CDH4: variants seen among roughly 807,000 people sequenced by gnomAD.
The protein encoded by CDH4 is cadherin 4.
In CDH4, 33 loss-of-function variants were observed where a neutral mutation model predicts 86.0. The ratio of observed to expected loss-of-function variants is 0.38; its 90% CI spans 0.29 to 0.51. The LOEUF is 0.51. Among genes scored for constraint, CDH4 ranks in the 20% least tolerant of loss-of-function variants. The pLI is 0.86. For synonymous variants in CDH4, 555 were observed against 549.4 expected (o/e 1.01, Z -0.14); for missense variants, 1,114 against 1,307.4 (o/e 0.85, Z 2.28).
At chr20:61,335,196 G>C (rs1239261470) in intron 2 of CDH4, among the ~76,000 whole-genome samples, 3 of 152,194 alleles carry the variant, frequency 2.0e-5, no homozygotes, top group African/African-American at 7.2e-5. Context: ...CAGCCGATCT[G>C]GGATGAATGT....
intron 2 of CDH4, among the ~76,000 whole-genome samples, chr20:61,654,052 A>G (rs1396057217): frequency 1.3e-5 from 2 of 151,956 alleles, no homozygotes; most frequent in Non-Finnish European, 2.9e-5. Context: ...CAATCTTGGC[A>G]CTTTGGGAGG....
intron 2 of CDH4, among the ~76,000 whole-genome samples, chr20:61,296,840 C>T (rs190080527): frequency 1.1e-4 from 16 of 151,940 alleles, no homozygotes; most frequent in Middle Eastern, 3.4e-3. Context: ...GGGCAGGTGG[C>T]GTCAGGTGGA....
intron 9 of CDH4, among the ~76,000 whole-genome samples, chr20:61,916,710 C>A (rs1040377513): frequency 8.5e-5 from 13 of 152,214 alleles, no homozygotes; most frequent in African/African-American, 3.1e-4. Flanking sequence ...CAGACCTGAC[C>A]AGGTCACTGC....
At chr20:61,692,820 CTTTTTTG>C (rs1430125286) in intron 2 of CDH4, among the ~76,000 whole-genome samples, 23 of 150,328 alleles carry the variant, frequency 1.5e-4, no homozygotes, top group Middle Eastern at 3.4e-3. Context: ...AGCAAGCAAG[CTTTTTTG>C]TTTTTTGTTT....
At chr20:61,793,762 C>G (rs1411369179) in intron 4 of CDH4, among the ~76,000 whole-genome samples, 1 of 151,034 alleles carries the variant, frequency 6.6e-6, no homozygotes, top group Non-Finnish European at 1.5e-5. Flanking sequence ...TTGCTTGAAC[C>G]CGGGAGGTGG....
In CDH4 at chr20:61,699,803, C is replaced by A. The variant is rs186587071; in HGVS notation, c.170-43760C>A. ...TTTCACCGCTGACCCGGGGCTTTCA[C>A]CGCTGACCCGGGGCACACACATGTC... On this transcript the variant is annotated intron_variant, in intron 2 of 15. Transcript: ENST00000614565. Among the ~76,000 whole-genome samples, 28 of 149,032 alleles carry A rather than the reference C, an allele frequency of 1.9e-4. 1 individual carries two copies. The East Asian group carries it at 5.0e-3, about 27-fold the overall frequency.
intron 2 of CDH4, among the ~76,000 whole-genome samples, chr20:61,431,360 T>G (rs6089304): frequency 3.0e-3 from 269 of 90,956 alleles, no homozygotes; most frequent in Admixed American, 4.5e-3. Context: ...TTTTTGTTGG[T>G]TTTTTTTTTT....
intron 4 of CDH4, among the ~76,000 whole-genome samples, chr20:61,800,255 C>A (rs1979758746): frequency 6.6e-6 from 1 of 152,222 alleles, no homozygotes; most frequent in African/African-American, 2.4e-5. Context: ...ACACACGGTG[C>A]TTCTGGGAAG....
rs79340669 is a variant in CDH4 at position 61,844,430 on chromosome 20, G to A, written c.577-238G>A. ...TGTCTGCCAGGCATCCCGAGTTCTC[G>A]GTGTATTTGCTGAGTTACTGACAGG... On this transcript the variant is annotated intron_variant, in intron 4 of 15. Coordinates refer to ENST00000614565, the MANE Select transcript of CDH4 (RefSeq NM_001794.5). Among the ~76,000 whole-genome samples, 434 of 152,090 alleles carry A rather than the reference G, an allele frequency of 2.9e-3. 1 individual carries two copies. The highest frequency in any genetic ancestry group is 9.8e-3 in the African/African-American group (408 of 41,458).
chr20:61,695,811 C>T (rs1246031186), intron 2 of CDH4, among the ~76,000 whole-genome samples: 1 of 152,248 alleles, frequency 6.6e-6, no homozygotes, highest in African/African-American at 2.4e-5. Context: ...CAATCCTTCC[C>T]CTCTCTGCAG....
At chr20:61,753,620 C>G (rs186803087) in intron 3 of CDH4, among the ~76,000 whole-genome samples, 1 of 152,344 alleles carries the variant, frequency 6.6e-6, no homozygotes, top group Admixed American at 6.5e-5. Context: ...AGACCAAGCT[C>G]TCACCCAGTT....
intron 2 of CDH4, among the ~76,000 whole-genome samples, chr20:61,519,699 T>G (rs2085854001): frequency 6.6e-6 from 1 of 152,236 alleles, no homozygotes; most frequent in Non-Finnish European, 1.5e-5. Context: ...GTGTCTATTC[T>G]TTCGTTGTTC....
At chr20:61,367,150 G>A (rs2084815118) in intron 2 of CDH4, among the ~76,000 whole-genome samples, 1 of 152,222 alleles carries the variant, frequency 6.6e-6, no homozygotes, top group East Asian at 1.9e-4. Context: ...GTGTGCCAAA[G>A]CAGCCACCAG....
At chr20:61,369,839 G>A (rs2084830582) in intron 2 of CDH4, 1 of 152,244 alleles carries the variant, frequency 6.6e-6, no homozygotes, top group South Asian at 2.1e-4. Flanking sequence ...TCACGAAAGA[G>A]GAGAAGGTGC....
chr20:61,508,906 C>A (rs547394788), intron 2 of CDH4, among the ~76,000 whole-genome samples: 2 of 152,344 alleles, frequency 1.3e-5, no homozygotes, highest in South Asian at 2.1e-4. Context: ...TGGGTTCCAC[C>A]CCCTCCCCAC....
chr20:61,825,745 T>C (rs1981279996), intron 4 of CDH4, among the ~76,000 whole-genome samples: 1 of 152,224 alleles, frequency 6.6e-6, no homozygotes, highest in Non-Finnish European at 1.5e-5. Flanking sequence ...TGCTGTTACA[T>C]GGTCAGCTGC....
chr20:61,734,808 G>A (rs1158473019), intron 2 of CDH4, among the ~76,000 whole-genome samples: 1 of 152,188 alleles, frequency 6.6e-6, no homozygotes, highest in Non-Finnish European at 1.5e-5. Flanking sequence ...CACCCAGCAC[G>A]TGGACACAGC....
chr20:61,679,383 G>A lies in CDH4; in HGVS notation c.170-64180G>A, dbSNP rs376249738. 6.8e-4 allele frequency among the ~76,000 whole-genome samples: 103 copies of A among 152,298 alleles called. 3 individuals are homozygous for A. The South Asian group carries it at 0.02, about 30-fold the overall frequency. On this transcript the variant is annotated intron_variant, in intron 2 of 15. Transcript: ENST00000614565. ...AAGTTGCTGGGCCAGGCCTGGAGGT[G>A]AGGGGTGGGTCCCAGGTATTTGCAC...
intron 2 of CDH4, among the ~76,000 whole-genome samples, chr20:61,442,245 GT>G (rs1372228751): frequency 6.6e-6 from 1 of 152,234 alleles, no homozygotes; most frequent in African/African-American, 2.4e-5. Context: ...TCATGCCACT[GT>G]TGAAAAGCAG....
Sources: allele counts gnomAD v4.1 joint callset (sites outside exome capture counted in the v4.1 genomes callset), GRCh38; gene constraint gnomAD v4.1.1; transcripts MANE v1.5; gene names NCBI Gene and HGNC (gene_info 2026-07-23, HGNC 2026-07-21).